RNF168: variants seen among roughly 807,000 people sequenced by gnomAD.
RNF168 encodes the protein ring finger protein 168.
Under a neutral mutation model 34.9 loss-of-function variants are expected in RNF168, and 34 were observed. The ratio of observed to expected loss-of-function variants is 0.97; its 90% CI spans 0.74 to 1.30. RNF168 has a LOEUF of 1.30. Ranked by LOEUF, RNF168 falls within the 50% of genes most tolerant of loss-of-function variation. The pLI is 0.00. For synonymous variants in RNF168, 264 were observed against 254.7 expected, an observed-to-expected ratio of 1.04 and a Z score of -0.35; for missense variants, 725 against 682.5, an observed-to-expected ratio of 1.06 and a Z score of -0.69.
intron 4 of RNF168, among the ~76,000 whole-genome samples, chr3:196,482,008 C>T (rs1732305738): frequency 1.4e-5 from 2 of 147,698 alleles, no homozygotes; most frequent in African/African-American, 2.5e-5. Flanking sequence ...CTATGCTGTC[C>T]AAGCTGGTCC....
intron 4 of RNF168, among the ~76,000 whole-genome samples, chr3:196,476,102 C>T (rs977892231): frequency 1.3e-5 from 2 of 151,950 alleles, no homozygotes; most frequent in Admixed American, 1.3e-4. Flanking sequence ...TCAGGTGATC[C>T]GCCTGTCTCA....
At position 196,472,271 on chromosome 3, in the gene RNF168, C is replaced by G; in HGVS notation, c.1264G>C (p.Glu422Gln). The G allele has an allele frequency of 2.5e-6, 4 of 1,614,020 alleles. No homozygotes were observed. The highest frequency in any genetic ancestry group is 1.7e-6 in the Non-Finnish European group (2 of 1,179,900). The part of the protein sequence containing the change: ...PESSPDQEET[E>Q]INFTQKLIDL... ...ATCAGTTTTTGGGTAAAGTTTATTT[C>G]TGTTTCCTCTTGATCTGGGGAAGAT... is the stretch of plus-strand genomic sequence containing the variant. The change falls in exon 6 of 6, where the codon GAA becomes CAA. Residue 422 changes from glutamate (E) to glutamine (Q), a missense_variant. By Grantham distance (29) the Glu-to-Gln change is conservative. Transcript: ENST00000318037.
chr3:196,498,691 T>G (rs565786948), intron 1 of RNF168, among the ~76,000 whole-genome samples: 1 of 152,158 alleles, frequency 6.6e-6, no homozygotes, highest in South Asian at 2.1e-4. Flanking sequence ...AAAACGAATA[T>G]CTACACAAGA....
At chr3:196,475,925 TCTCAGCTCACTGCAAC>T (rs934063515) in intron 4 of RNF168, among the ~76,000 whole-genome samples, 1 of 151,194 alleles carries the variant, frequency 6.6e-6, no homozygotes, top group Non-Finnish European at 1.5e-5. Flanking sequence ...AGTGGCGCGA[TCTCAGCTCACTGCAAC>T]CTCCGCCTCC....
rs191240964 is a variant in RNF168 at position 196,490,303 on chromosome 3, T to C, written c.302-1620A>G. On this transcript the variant is annotated intron_variant, in intron 1 of 5. Coordinates refer to ENST00000318037, the MANE Select transcript of RNF168 (RefSeq NM_152617.4). ...AATTTTATTCTATAAAACAAGACAC[T>C]GTTTTATAAAGTGTAAAAAGGGAAC... 2.0e-5 allele frequency among the ~76,000 whole-genome samples: 3 copies of C among 151,534 alleles called. No homozygotes were observed. The East Asian group carries it at 5.8e-4, about 29-fold the overall frequency.
rs746331793 is a variant in RNF168, at chr3:196,503,099, C to A, written c.75G>T (p.Glu25Asp). 6.2e-7 allele frequency: 1 copy of A among 1,614,160 alleles called. No homozygotes were observed. Among genetic ancestry groups the A allele is most frequent in the Admixed American group, 1.7e-5 (1 of 60,014 alleles). Residue 25 changes from glutamate (E) to aspartate (D), a missense_variant, in exon 1 of 6, where the codon GAG becomes GAT. Transcript: ENST00000318037. ...TGTGGTTACACGGGAGGGTGACGGG[C>A]TCCACGAGGATTTCCATGCAGATCC... ...QCGICMEILV[E>D]PVTLPCNHTL...
At chr3:196,482,705 T>TA (rs1732326711) in intron 4 of RNF168, among the ~76,000 whole-genome samples, 1 of 152,222 alleles carries the variant, frequency 6.6e-6, no homozygotes, top group African/African-American at 2.4e-5. Context: ...CTAATGATGT[T>TA]AAACATATTT....
At chr3:196,472,911 TTTC>T (rs1262561937) in intron 5 of RNF168, 139 bp from the exon 6 acceptor site, 8 of 583,110 alleles carry the variant, frequency 1.4e-5, no homozygotes, top group Admixed American at 5.5e-5. Context: ...CTTTCTTTCT[TTTC>T]TTTTTTTTTC....
intron 4 of RNF168, among the ~76,000 whole-genome samples, chr3:196,481,439 G>GA (rs774430018): frequency 0.011 from 1,534 of 136,860 alleles, 20 homozygotes; most frequent in African/African-American, 0.029. Flanking sequence ...AGACTGTCTG[G>GA]AAAAAAAAAA....
intron 1 of RNF168, among the ~76,000 whole-genome samples, chr3:196,493,275 C>A (rs1732640113): frequency 6.6e-6 from 1 of 152,190 alleles, no homozygotes; most frequent in East Asian, 1.9e-4. Context: ...TTAAAGTTTA[C>A]TTATTTCTAC....
Position 196,471,679 on chromosome 3 carries a change from T to C in RNF168, c.*140A>G. ...GAAGCTCATGTGTCTATGCAGTCCT[T>C]ACAATCACACAGACCTTCATTAAGG... is the stretch of plus-strand genomic sequence containing the variant. On this transcript the variant is annotated 3_prime_UTR_variant, in exon 6 of 6. Coordinates refer to ENST00000318037, the MANE Select transcript of RNF168 (RefSeq NM_152617.4). 2.8e-6 allele frequency: 2 copies of C among 714,708 alleles called. No individual in the cohort carries two copies. The highest frequency in any genetic ancestry group is 1.5e-5 in the South Asian group (1 of 65,234). 44.3% of individuals were successfully genotyped at this position (714,708 alleles called of 1,614,324 possible).
intron 1 of RNF168, among the ~76,000 whole-genome samples, chr3:196,489,834 G>C (rs1332181798): frequency 6.6e-6 from 1 of 152,158 alleles, no homozygotes; most frequent in Non-Finnish European, 1.5e-5. Context: ...CAGAACTCGA[G>C]ATTTATAAGC....
chr3:196,502,194 C>G (rs1732910278), intron 1 of RNF168, among the ~76,000 whole-genome samples: 1 of 151,944 alleles, frequency 6.6e-6, no homozygotes, highest in East Asian at 1.9e-4. Flanking sequence ...TTTGGGGCTC[C>G]TGAGTCTACC....
intron 3 of RNF168, among the ~76,000 whole-genome samples, chr3:196,486,471 C>A (rs1314720486): frequency 6.6e-6 from 1 of 151,804 alleles, no homozygotes; most frequent in East Asian, 1.9e-4. Flanking sequence ...GCAGGTGGAG[C>A]TCCAGGCACG....
rs201800722 is a variant in RNF168 at position 196,488,597 on chromosome 3, T to C, written c.378+10A>G. On this transcript the variant is annotated intron_variant, in intron 2 of 5. Coordinates refer to ENST00000318037, the MANE Select transcript of RNF168 (RefSeq NM_152617.4). ...AAATATTCCAAAAAAAAAAACTATT[T>C]AGCACCTACCTTGCTTATTTCCTCT... 2.0e-6 allele frequency: 3 copies of C among 1,531,762 alleles called. No individual in the cohort carries two copies. Among genetic ancestry groups the C allele is most frequent in the Non-Finnish European group, 1.8e-6 (2 of 1,107,060 alleles). The allele number at this position is 1,531,762 out of a possible 1,614,324, so 94.9% of individuals were successfully genotyped here.
At chr3:196,500,562 C>G (rs1732854908) in intron 1 of RNF168, among the ~76,000 whole-genome samples, 2 of 152,140 alleles carry the variant, frequency 1.3e-5, no homozygotes, top group South Asian at 4.1e-4. Flanking sequence ...TTAAAAAGTT[C>G]TGGAGATGGA....
At position 196,471,798 on chromosome 3, in the gene RNF168, A is replaced by T. The variant is rs1228973962; in HGVS notation, c.*21T>A. 4 of 1,476,872 alleles carry T rather than the reference A, an allele frequency of 2.7e-6. No individual in the cohort carries two copies. Among genetic ancestry groups the T allele is most frequent in the Non-Finnish European group, 3.8e-6 (4 of 1,055,378 alleles). The allele number at this position is 1,476,872 out of a possible 1,614,324, so 91.5% of individuals were successfully genotyped here. On this transcript the variant is annotated 3_prime_UTR_variant, in exon 6 of 6. Coordinates refer to ENST00000318037, the MANE Select transcript of RNF168 (RefSeq NM_152617.4). Reference sequence around the variant, plus strand: ...CACATTCCAGCTTTACTAGATCACAAAGCACTCCCTTTACCAGGCCTTACT... The same window carrying T: ...CACATTCCAGCTTTACTAGATCACATAGCACTCCCTTTACCAGGCCTTACT...
At chr3:196,496,162 G>A (rs1210045492) in intron 1 of RNF168, among the ~76,000 whole-genome samples, 12 of 152,086 alleles carry the variant, frequency 7.9e-5, no homozygotes, top group African/African-American at 2.9e-4. Context: ...AATATAATTA[G>A]GGATAAATAT....
At chr3:196,500,019 G>A (rs927802186) in intron 1 of RNF168, among the ~76,000 whole-genome samples, 4 of 152,180 alleles carry the variant, frequency 2.6e-5, no homozygotes, top group African/African-American at 9.7e-5. Context: ...GTTGGCGAGG[G>A]TGCAGAGAAA....
Sources: gnomAD v4.1 joint callset for allele counts (sites outside exome capture counted in the v4.1 genomes callset) on GRCh38, gnomAD v4.1.1 for gene constraint, MANE v1.5 for transcripts, NCBI Gene and HGNC (gene_info 2026-07-23, HGNC 2026-07-21) for gene names.